Variants in NUBP1 observed in about 807,000 individuals in gnomAD.
NUBP1 encodes NUBP iron-sulfur cluster assembly factor 1, cytosolic.
A neutral mutation model predicts 41.8 loss-of-function variants in NUBP1; 46 were observed. The observed-to-expected ratio is 1.10, with a 90% confidence interval of 0.87 to 1.41. NUBP1 has a LOEUF of 1.41. NUBP1 is among the 40% of genes most tolerant of loss of function. The pLI is 0.00. For synonymous variants in NUBP1, 189 were observed against 154.6 expected (o/e 1.22, Z -1.65); for missense variants, 494 against 414.0 (o/e 1.19, Z -1.68).
In NUBP1 at chr16:10,757,041, T is replaced by G. The variant is rs573546506; in HGVS notation, c.451+261T>G. Among the ~76,000 whole-genome samples the G allele has an allele frequency of 4.8e-4, 73 of 152,338 alleles. 3 individuals are homozygous for G. In the East Asian group the frequency reaches 0.014, roughly 29 times the overall value. ...CTGGTCGGGTGTGGTAGCTCACGCCTGTAATCCCAGCACTTTGGGAGGCCG... is the reference window on the plus strand; with the variant it reads ...CTGGTCGGGTGTGGTAGCTCACGCCGGTAATCCCAGCACTTTGGGAGGCCG... On this transcript the variant is annotated intron_variant, in intron 6 of 10. Transcript: ENST00000283027. The surrounding 1 kb of genome is among the most constrained non-coding windows in gnomAD (Gnocchi z 4.1).
rs1452331023 is a variant in NUBP1, at chr16:10,749,146, C to G, written c.258+1870C>G. On this transcript the variant is annotated intron_variant, in intron 3 of 10. Coordinates refer to ENST00000283027, the MANE Select transcript of NUBP1 (RefSeq NM_002484.4). The surrounding 1 kb of genome is among the most constrained non-coding windows in gnomAD (Gnocchi z 4.1). ...ACACATACACACACACACACACACA[C>G]ACACACACACACACACACACACACG... Among the ~76,000 whole-genome samples the G allele has an allele frequency of 2.0e-5, 3 of 148,984 alleles. No individual in the cohort carries two copies. Among genetic ancestry groups the G allele is most frequent in the South Asian group, 2.1e-4 (1 of 4,764 alleles).
At chr16:10,748,608 A>C (rs560267496) in intron 3 of NUBP1, among the ~76,000 whole-genome samples, 16 of 152,310 alleles carry the variant, frequency 1.1e-4, no homozygotes, top group African/African-American at 3.6e-4. Context: ...GACTCCAAGG[A>C]CTGAGTGAGA....
chr16:10,763,251 G>A (rs1348481757), intron 9 of NUBP1, among the ~76,000 whole-genome samples: 3 of 152,166 alleles, frequency 2.0e-5, no homozygotes, highest in South Asian at 2.1e-4. Context: ...GTGCAGTTGA[G>A]TTTTGAAGCC....
At chr16:10,747,533 G>T (rs1267509747) in intron 3 of NUBP1, among the ~76,000 whole-genome samples, 1 of 152,236 alleles carries the variant, frequency 6.6e-6, no homozygotes, top group African/African-American at 2.4e-5. Flanking sequence ...TTTTCGCGAG[G>T]ATGAGCCATG....
intron 9 of NUBP1, chr16:10,762,135 G>A (rs1011230830): frequency 1.6e-5 from 5 of 317,712 alleles, no homozygotes; most frequent in Admixed American, 4.4e-5. Context: ...GGTGGCAGGG[G>A]ACTGAGGAGG....
chr16:10,753,778 A>AC, intron 4 of NUBP1, among the ~76,000 whole-genome samples: 1 of 151,898 alleles, frequency 6.6e-6, no homozygotes, highest in African/African-American at 2.4e-5. Flanking sequence ...TGAGCAGAGG[A>AC]TGACAGGAGG....
intron 7 of NUBP1, chr16:10,761,162 T>G (rs909663890): frequency 4.1e-6 from 2 of 485,452 alleles, no homozygotes; most frequent in Non-Finnish European, 7.5e-6. Flanking sequence ...GAACTGCCTG[T>G]TCCTGTAGGG....
At chr16:10,746,270 A>G (rs1900058289) in intron 2 of NUBP1, among the ~76,000 whole-genome samples, 1 of 152,208 alleles carries the variant, frequency 6.6e-6, no homozygotes, top group African/African-American at 2.4e-5. Flanking sequence ...AGATAGTTTC[A>G]TTGGCAGATA....
intron 7 of NUBP1, among the ~76,000 whole-genome samples, chr16:10,760,597 C>T (rs922704769): frequency 4.6e-5 from 7 of 152,104 alleles, no homozygotes; most frequent in Admixed American, 1.3e-4. Context: ...GTTAGCCAGG[C>T]AGAGTAGCAC....
chr16:10,761,234 C>T (rs903084594), intron 7 of NUBP1, 130 bp from the exon 8 acceptor site: 4 of 754,706 alleles, frequency 5.3e-6, no homozygotes, highest in Non-Finnish European at 8.6e-6. Context: ...AGAGCCAAAC[C>T]CTATCAGGGC....
chr16:10,748,576 C>T (rs1156486376), intron 3 of NUBP1, among the ~76,000 whole-genome samples: 1 of 152,146 alleles, frequency 6.6e-6, no homozygotes, highest in Non-Finnish European at 1.5e-5. Flanking sequence ...ACTCTGCCTC[C>T]GTTTTCTCAT....
chr16:10,761,664 C>CTTT (rs36097495), intron 8 of NUBP1, 93 bp from the exon 9 acceptor site: 7 of 914,750 alleles, frequency 7.7e-6, no homozygotes, highest in South Asian at 3.7e-5. Flanking sequence ...CAAACTAAGC[C>CTTT]TTTTTTTTTT....
chr16:10,763,622 T>C (rs117481739), intron 9 of NUBP1: 5,760 of 152,412 alleles, frequency 0.038, 145 homozygotes, highest in Non-Finnish European at 0.058. Context: ...CTGGAGGCAG[T>C]TGGGCTGCAT....
In NUBP1 at chr16:10,768,956, C is replaced by T; in HGVS notation, c.905-91C>T. 1 of 1,145,646 alleles carries T rather than the reference C, an allele frequency of 8.7e-7. No homozygotes were observed. The highest frequency in any genetic ancestry group is 2.4e-5 in the East Asian group (1 of 42,514). 71.0% of individuals were successfully genotyped at this position (1,145,646 alleles called of 1,614,324 possible). ...TGGAACTAGCCAGAGGATTCCACCC[C>T]TGTCAAAACACAGCCCTCCCCAGCA... On this transcript the variant is annotated intron_variant, in intron 10 of 10. Transcript: ENST00000283027. The surrounding 1 kb of genome is among the most constrained non-coding windows in gnomAD (Gnocchi z 4.3).
Position 10,743,968 on chromosome 16 carries a change from AG to A in NUBP1, c.31del (p.Ala11ProfsTer33). On this transcript the variant is annotated frameshift_variant, in exon 2 of 11. Transcript: ENST00000283027. LOFTEE classifies it high-confidence loss of function. ...GGTCTTGTCTCTGCGCAGACTGTCC[AG>A]GGGCCGACAGCGCCCAGGCGGGCAG... Reference protein sequence around the residue: MEEVPHDCPGADSAQAGRGA... With the variant: MEEVPHDCPXADSAQAGRGA... The A allele has an allele frequency of 6.3e-7, 1 of 1,584,386 alleles. No individual in the cohort carries two copies. The highest frequency in any genetic ancestry group is 2.3e-5 in the East Asian group (1 of 43,354).
chr16:10,752,638 G>C lies in NUBP1; in HGVS notation c.287G>C (p.Gly96Ala), dbSNP rs774042380. The change falls in exon 4 of 11, where the codon GGG (glycine) becomes GCG (alanine). Residue 96 changes from glycine (G) to alanine (A), a missense_variant. Gly to Ala is a moderately conservative substitution (Grantham distance 60). Transcript: ENST00000283027. ...GCTCTTCTAGACATCGATATATGTG[G>C]GCCATCGATTCCCAAGATAATGGGA... The part of the protein sequence containing the change: ...QIALLDIDIC[G>A]PSIPKIMGLE... 2 of 1,613,694 alleles carry C rather than the reference G, an allele frequency of 1.2e-6. No individual in the cohort carries two copies. Among genetic ancestry groups the C allele is most frequent in the Admixed American group, 3.3e-5 (2 of 59,976 alleles).
At chr16:10,758,934 G>A (rs1434465398) in intron 7 of NUBP1, among the ~76,000 whole-genome samples, 2 of 152,228 alleles carry the variant, frequency 1.3e-5, no homozygotes, top group African/African-American at 4.8e-5. Flanking sequence ...AAGTCCTGCA[G>A]AGAGCAACTG....
chr16:10,766,796 C>G lies in NUBP1; in HGVS notation c.821-1153C>G, dbSNP rs564893387. On this transcript the variant is annotated intron_variant, in intron 9 of 10. Coordinates refer to ENST00000283027, the MANE Select transcript of NUBP1 (RefSeq NM_002484.4). This position sits in a 1 kb window ranked among gnomAD's most constrained non-coding sequence, Gnocchi z 4.8. Reference sequence around the variant, plus strand: ...CAGAGTTTTTGTGTTTAAATACCCTCTACTTGAGGTACGCCCTATATAAAC... The same window carrying G: ...CAGAGTTTTTGTGTTTAAATACCCTGTACTTGAGGTACGCCCTATATAAAC... 2.5e-6 allele frequency: 1 copy of G among 397,466 alleles called. No homozygotes were observed. The highest frequency in any genetic ancestry group is 4.4e-5 in the Admixed American group (1 of 22,722). 24.6% of individuals were successfully genotyped at this position (397,466 alleles called of 1,614,324 possible).
intron 2 of NUBP1, among the ~76,000 whole-genome samples, chr16:10,744,326 C>T (rs1899962323): frequency 6.6e-6 from 1 of 152,276 alleles, no homozygotes; most frequent in African/African-American, 2.4e-5. Context: ...TGGAGACTGA[C>T]CGGCGCGGAG....
Sources: allele counts gnomAD v4.1 joint callset (sites outside exome capture counted in the v4.1 genomes callset), GRCh38; gene constraint gnomAD v4.1.1; non-coding constraint Gnocchi (gnomAD v3.1); transcripts MANE v1.5; gene names NCBI Gene and HGNC (gene_info 2026-07-23, HGNC 2026-07-21).